Variants in NALF1 observed in about 807,000 individuals in gnomAD.
The protein encoded by NALF1 is NALCN channel auxiliary factor 1, also known as family with sequence similarity 155 member A.
NALF1 carries 3 observed loss-of-function variants against 48.4 expected under a neutral mutation model. The ratio of observed to expected loss-of-function variants is 0.06; its 90% CI spans 0.03 to 0.16. The LOEUF is 0.16. NALF1 is among the 10% of genes least tolerant of loss of function. The pLI is 1.00. For synonymous variants in NALF1, 262 were observed against 245.7 expected, an observed-to-expected ratio of 1.07 and a Z score of -0.62; for missense variants, 526 against 571.5, an observed-to-expected ratio of 0.92 and a Z score of 0.81.
At chr13:107,261,827 A>AGAAT (rs1365569971) in intron 1 of NALF1, among the ~76,000 whole-genome samples, 1 of 152,164 alleles carries the variant, frequency 6.6e-6, no homozygotes, top group Admixed American at 6.5e-5. Flanking sequence ...TTCATTATCA[A>AGAAT]ACTAATAAAA....
intron 1 of NALF1, among the ~76,000 whole-genome samples, chr13:107,403,099 G>T (rs914647595): frequency 6.7e-6 from 1 of 149,010 alleles, no homozygotes; most frequent in East Asian, 2.0e-4. Context: ...TGACTTGATG[G>T]ATTGCAGCTT....
rs117766029 is a variant in NALF1, at chr13:107,858,530, T to C, written c.915+7152A>G. Reference sequence around the variant, plus strand: ...TTGGAAACCCCATCTCTATTACAAATCCAAAAAATTAGCCATTTGTGGTGA... The same window carrying C: ...TTGGAAACCCCATCTCTATTACAAACCCAAAAAATTAGCCATTTGTGGTGA... On this transcript the variant is annotated intron_variant, in intron 1 of 2. Coordinates refer to ENST00000375915, the MANE Select transcript of NALF1 (RefSeq NM_001080396.3). Among the ~76,000 whole-genome samples, 461 of 152,150 alleles carry C rather than the reference T, an allele frequency of 3.0e-3. 3 individuals carry two copies. The highest frequency in any genetic ancestry group is 4.9e-3 in the Non-Finnish European group (331 of 67,996).
intron 2 of NALF1, among the ~76,000 whole-genome samples, chr13:107,180,459 A>C (rs1879037876): frequency 6.6e-6 from 1 of 152,068 alleles, no homozygotes; most frequent in East Asian, 1.9e-4. Flanking sequence ...GAGTCCAAGA[A>C]TATATGAGAC....
At chr13:107,770,578 C>T (rs1371287951) in intron 1 of NALF1, among the ~76,000 whole-genome samples, 1 of 152,322 alleles carries the variant, frequency 6.6e-6, no homozygotes, top group East Asian at 1.9e-4. Flanking sequence ...CATGGTTTCA[C>T]AAGTAAGTAA....
At chr13:107,557,479 G>A (rs1158599356) in intron 1 of NALF1, among the ~76,000 whole-genome samples, 1 of 151,972 alleles carries the variant, frequency 6.6e-6, no homozygotes, top group Non-Finnish European at 1.5e-5. Context: ...CAGCAGTGTT[G>A]TTAGTAGGTT....
intron 1 of NALF1, among the ~76,000 whole-genome samples, chr13:107,828,606 TACAC>T (rs60869824): frequency 0.2 from 20,254 of 103,420 alleles, 1,768 homozygotes; most frequent in Non-Finnish European, 0.25. Flanking sequence ...TCTATATCTA[TACAC>T]ACACACACAC....
At chr13:107,699,919 C>A (rs1040921007) in intron 1 of NALF1, among the ~76,000 whole-genome samples, 1 of 151,812 alleles carries the variant, frequency 6.6e-6, no homozygotes, top group Non-Finnish European at 1.5e-5. Context: ...AGAATCAAAG[C>A]AAAAATATTA....
intron 1 of NALF1, among the ~76,000 whole-genome samples, chr13:107,282,572 T>C (rs1433824324): frequency 2.0e-5 from 3 of 152,166 alleles, no homozygotes; most frequent in Non-Finnish European, 4.4e-5. Context: ...AGTGCAGTAA[T>C]GACAGAGTGC....
intron 1 of NALF1, among the ~76,000 whole-genome samples, chr13:107,615,751 T>C (rs1467413249): frequency 1.3e-5 from 2 of 152,214 alleles, no homozygotes; most frequent in African/African-American, 4.8e-5. Flanking sequence ...TTACACTAGG[T>C]AGGCATTCTT....
intron 1 of NALF1, among the ~76,000 whole-genome samples, chr13:107,418,107 A>C (rs1884122393): frequency 6.6e-6 from 1 of 152,140 alleles, no homozygotes; most frequent in Non-Finnish European, 1.5e-5. Context: ...TAAATAGAAG[A>C]CATTTTTCTA....
At chr13:107,400,949 C>A (rs1883796380) in intron 1 of NALF1, among the ~76,000 whole-genome samples, 1 of 152,118 alleles carries the variant, frequency 6.6e-6, no homozygotes, top group African/African-American at 2.4e-5. Flanking sequence ...CTGATTAACT[C>A]AATGCCACAG....
At chr13:107,667,556 T>C (rs1242762061) in intron 1 of NALF1, among the ~76,000 whole-genome samples, 1 of 152,068 alleles carries the variant, frequency 6.6e-6, no homozygotes, top group East Asian at 1.9e-4. Context: ...AACTAAATGA[T>C]TTCTAAGGTT....
At chr13:107,605,524 T>C (rs894192441) in intron 1 of NALF1, among the ~76,000 whole-genome samples, 4 of 152,164 alleles carry the variant, frequency 2.6e-5, no homozygotes, top group Non-Finnish European at 5.9e-5. Context: ...ATTTCTATTA[T>C]CTATTAGTTT....
intron 1 of NALF1, among the ~76,000 whole-genome samples, chr13:107,675,813 G>C (rs983640166): frequency 6.6e-6 from 1 of 152,204 alleles, no homozygotes; most frequent in Non-Finnish European, 1.5e-5. Flanking sequence ...AGCCAATCCA[G>C]ATGAGGCAAG....
At chr13:107,573,100 T>A (rs1204467005) in intron 1 of NALF1, among the ~76,000 whole-genome samples, 1 of 152,100 alleles carries the variant, frequency 6.6e-6, no homozygotes, top group East Asian at 1.9e-4. Flanking sequence ...TGTGTCTGCT[T>A]CCTGTCTGTG....
chr13:107,521,681 G>A (rs1170251758), intron 1 of NALF1, among the ~76,000 whole-genome samples: 1 of 151,940 alleles, frequency 6.6e-6, no homozygotes, highest in Non-Finnish European at 1.5e-5. Context: ...GCTTCAAGAG[G>A]AGTTGCTCTC....
chr13:107,248,224 C>CA (rs5806635), intron 1 of NALF1, among the ~76,000 whole-genome samples: 49 of 149,062 alleles, frequency 3.3e-4, no homozygotes, highest in Admixed American at 1.1e-3. Flanking sequence ...CGTCATAGGG[C>CA]AAAAAAAAAG....
chr13:107,490,236 G>C (rs575855173), intron 1 of NALF1, among the ~76,000 whole-genome samples: 32 of 152,184 alleles, frequency 2.1e-4, no homozygotes, highest in African/African-American at 7.2e-4. Context: ...TATACCCAAA[G>C]AAATACAAGT....
In NALF1 at chr13:107,755,358, G is replaced by T. The variant is rs935098664; in HGVS notation, c.915+110324C>A. ...TCTTCTTCAGGCCTCTTAATTTTTGGTGTCCTTACCTTTGCTCACACAGCT... is the reference window on the plus strand; with the variant it reads ...TCTTCTTCAGGCCTCTTAATTTTTGTTGTCCTTACCTTTGCTCACACAGCT... On this transcript the variant is annotated intron_variant, in intron 1 of 2. Coordinates refer to ENST00000375915, the MANE Select transcript of NALF1 (RefSeq NM_001080396.3). 2.6e-5 allele frequency among the ~76,000 whole-genome samples: 4 copies of T among 151,556 alleles called. No individual in the cohort carries two copies. In the South Asian group the frequency reaches 8.4e-4, roughly 32 times the overall value.
Sources: allele counts gnomAD v4.1 joint callset (sites outside exome capture counted in the v4.1 genomes callset), GRCh38; gene constraint gnomAD v4.1.1; transcripts MANE v1.5; gene names NCBI Gene and HGNC (gene_info 2026-07-23, HGNC 2026-07-21).